PAPPA2: variants seen among roughly 807,000 people sequenced by gnomAD.
The protein encoded by PAPPA2 is pappalysin-2.
A neutral mutation model predicts 176.4 loss-of-function variants in PAPPA2; 86 were observed. The observed-to-expected ratio is 0.49, with a 90% CI of 0.41 to 0.58. The LOEUF (loss-of-function observed/expected upper bound fraction) is 0.58, where lower values mean the gene tolerates loss of function less well. Ranked by LOEUF, PAPPA2 falls within the 20% of genes least tolerant of loss-of-function variation. The pLI, the probability that PAPPA2 is intolerant of heterozygous loss-of-function variation, is 0.00. For missense variants in PAPPA2, 2,073 were observed against 2,256.9 expected (o/e 0.92, Z 1.65); for synonymous variants, 809 against 852.2 (o/e 0.95, Z 0.88).
chr1:176,717,895 A>C (rs1220423901), intron 12 of PAPPA2, among the ~76,000 whole-genome samples: 1 of 152,162 alleles, frequency 6.6e-6, no homozygotes, highest in Non-Finnish European at 1.5e-5. Flanking sequence ...CATTCATTAG[A>C]GTTTGGCCCT....
intron 17 of PAPPA2, among the ~76,000 whole-genome samples, chr1:176,782,220 C>G (rs767510687): frequency 1.3e-5 from 2 of 152,138 alleles, no homozygotes; most frequent in African/African-American, 4.8e-5. Flanking sequence ...TAAATCTTAC[C>G]TCATCTATAA....
intron 3 of PAPPA2, among the ~76,000 whole-genome samples, chr1:176,638,112 A>C (rs1656829883): frequency 6.6e-6 from 1 of 152,138 alleles, no homozygotes; most frequent in Non-Finnish European, 1.5e-5. Context: ...AACATCAGGC[A>C]TATTTATGTC....
intron 1 of PAPPA2, among the ~76,000 whole-genome samples, chr1:176,509,947 T>C (rs1648489983): frequency 6.6e-6 from 1 of 152,036 alleles, no homozygotes; most frequent in Admixed American, 6.6e-5. Context: ...GGCAGGAAGA[T>C]CGCCTGAGCC....
At chr1:176,510,502 G>T (rs1648528657) in intron 1 of PAPPA2, among the ~76,000 whole-genome samples, 1 of 152,006 alleles carries the variant, frequency 6.6e-6, no homozygotes, top group Admixed American at 6.6e-5. Flanking sequence ...GTATTTATGA[G>T]ATCTGAACTA....
intron 3 of PAPPA2, among the ~76,000 whole-genome samples, chr1:176,613,259 C>T (rs573012972): frequency 4.5e-4 from 69 of 152,344 alleles, no homozygotes; most frequent in South Asian, 3.7e-3. Context: ...CTGCTGTAAA[C>T]CTCTAAGGAG....
chr1:176,480,447 G>A (rs1368451793), intron 1 of PAPPA2, among the ~76,000 whole-genome samples: 1 of 152,072 alleles, frequency 6.6e-6, no homozygotes, highest in Non-Finnish European at 1.5e-5. Flanking sequence ...CCCCATTTTT[G>A]GCAGTCCGAA....
At chr1:176,811,151 A>G (rs749211933) in intron 21 of PAPPA2, among the ~76,000 whole-genome samples, 6 of 152,216 alleles carry the variant, frequency 3.9e-5, no homozygotes, top group Non-Finnish European at 8.8e-5. Flanking sequence ...CTGCTCTTTC[A>G]AAAAGCATCT....
At chr1:176,791,074 T>C (rs1571332904) in intron 18 of PAPPA2, among the ~76,000 whole-genome samples, 1 of 152,040 alleles carries the variant, frequency 6.6e-6, no homozygotes. Flanking sequence ...GGTTGATAGC[T>C]GATTGTGTTC....
chr1:176,827,519 C>A (rs533010289), intron 21 of PAPPA2, among the ~76,000 whole-genome samples: 136 of 152,108 alleles, frequency 8.9e-4, no homozygotes, highest in Non-Finnish European at 1.7e-3. Flanking sequence ...TCCCATGTAC[C>A]CCATAAAGCC....
chr1:176,494,727 ACT>A (rs1459235182), intron 1 of PAPPA2, among the ~76,000 whole-genome samples: 1 of 152,006 alleles, frequency 6.6e-6, no homozygotes, highest in Non-Finnish European at 1.5e-5. Flanking sequence ...CTCATTCGTC[ACT>A]CTCTCTGCAC....
At chr1:176,656,246 C>T (rs1305775209) in intron 3 of PAPPA2, among the ~76,000 whole-genome samples, 1 of 151,800 alleles carries the variant, frequency 6.6e-6, no homozygotes, top group South Asian at 2.1e-4. Context: ...CATTGCTTCC[C>T]TCTCCTAGGT....
At chr1:176,724,062 T>C (rs1416832134) in intron 12 of PAPPA2, among the ~76,000 whole-genome samples, 1 of 152,220 alleles carries the variant, frequency 6.6e-6, no homozygotes, top group African/African-American at 2.4e-5. Context: ...ATCCCATGTT[T>C]ATCCATCTAT....
Position 176,765,589 on chromosome 1 carries a change from G to C in PAPPA2, c.4152-77G>C, listed in dbSNP as rs533988171. 2.0e-4 allele frequency: 286 copies of C among 1,424,866 alleles called. 1 individual carries two copies. In the South Asian group the frequency reaches 3.5e-3, roughly 17 times the overall value. The allele number at this position is 1,424,866 out of a possible 1,614,324, so 88.3% of individuals were successfully genotyped here. A position where few individuals can be genotyped will look rare whatever the true frequency, so the allele number is the denominator to read the frequency against. On this transcript the variant is annotated intron_variant, in intron 14 of 22. Coordinates refer to ENST00000367662, the MANE Select transcript of PAPPA2 (RefSeq NM_020318.3). The stretch of plus-strand genomic sequence containing the variant: ...TCTCTCTGGTTTAGGAGCCCTCCCA[G>C]ATGGAGCTGCAAAGTCATTGCTCCT...
chr1:176,634,479 T>A (rs1021879787), intron 3 of PAPPA2, among the ~76,000 whole-genome samples: 1 of 152,066 alleles, frequency 6.6e-6, no homozygotes, highest in East Asian at 1.9e-4. Context: ...TTAGGAGATA[T>A]ACCTAATGTA....
intron 21 of PAPPA2, among the ~76,000 whole-genome samples, chr1:176,816,152 G>GTATA (rs373739173): frequency 0.014 from 605 of 42,246 alleles, 10 homozygotes; most frequent in Non-Finnish European, 0.018. Flanking sequence ...CTTTCACAGT[G>GTATA]TATATATATA....
chr1:176,734,881 A>T (rs1431212333), intron 12 of PAPPA2, among the ~76,000 whole-genome samples: 1 of 152,088 alleles, frequency 6.6e-6, no homozygotes, highest in Non-Finnish European at 1.5e-5. Context: ...AGCCCCCTTA[A>T]AATTGTGTAA....
chr1:176,734,470 C>T (rs1662305142), intron 12 of PAPPA2, among the ~76,000 whole-genome samples: 1 of 151,890 alleles, frequency 6.6e-6, no homozygotes, highest in Non-Finnish European at 1.5e-5. Context: ...GAAGGAATAA[C>T]TCAGGAAATC....
At chr1:176,805,512 C>T (rs530915634) in intron 21 of PAPPA2, among the ~76,000 whole-genome samples, 5 of 152,292 alleles carry the variant, frequency 3.3e-5, no homozygotes, top group South Asian at 4.1e-4. Flanking sequence ...CTCTACCCTT[C>T]GTTAGCTATG....
At chr1:176,559,293 C>T (rs866061607) in intron 2 of PAPPA2, among the ~76,000 whole-genome samples, 7 of 152,198 alleles carry the variant, frequency 4.6e-5, no homozygotes, top group African/African-American at 1.4e-4. Flanking sequence ...CAGTATTTCC[C>T]CTCTTAGGTC....
Sources: allele counts gnomAD v4.1 joint callset (sites outside exome capture counted in the v4.1 genomes callset), GRCh38; gene constraint gnomAD v4.1.1; transcripts MANE v1.5; gene names NCBI Gene and HGNC (gene_info 2026-07-23, HGNC 2026-07-21).